ZBTB38: variants seen among roughly 807,000 people sequenced by gnomAD.
ZBTB38 encodes the protein zinc finger and BTB domain containing 38, also known as zinc finger and BTB domain-containing protein 38.
A neutral mutation model predicts 76.8 loss-of-function variants in ZBTB38; 20 were observed. The ratio of observed to expected loss-of-function variants is 0.26; its 90% confidence interval spans 0.18 to 0.38. The LOEUF (loss-of-function observed/expected upper bound fraction) is 0.38. ZBTB38 is among the 10% of genes least tolerant of loss of function. ZBTB38 has a pLI of 1.00. For synonymous variants in ZBTB38, 504 were observed against 544.2 expected, an observed-to-expected ratio of 0.93 and a Z score of 1.03; for missense variants, 1,082 against 1,482.3, an observed-to-expected ratio of 0.73 and a Z score of 4.43.
At position 141,382,321 on chromosome 3, in the gene ZBTB38, A is replaced by T. The variant is rs567464753; in HGVS notation, c.-172+834A>T. Among the ~76,000 whole-genome samples the T allele has an allele frequency of 3.3e-5, 5 of 152,352 alleles. 1 individual carries two copies. Among genetic ancestry groups the T allele is most frequent in the African/African-American group, 1.2e-4 (5 of 41,580 alleles). ...TAGAGTAGAACACTCTAACAACCTG[A>T]TAACAAATTTATTCACAAATGCTGA... On this transcript the variant is annotated intron_variant, in intron 3 of 5. Transcript: ENST00000321464.
chr3:141,344,180 C>T (rs1231589400), intron 1 of ZBTB38, among the ~76,000 whole-genome samples: 1 of 152,182 alleles, frequency 6.6e-6, no homozygotes, highest in African/African-American at 2.4e-5. Context: ...TGGCTTAACA[C>T]ACACAGTTAT....
intron 4 of ZBTB38, among the ~76,000 whole-genome samples, chr3:141,396,052 G>A (rs75828411): frequency 0.024 from 3,669 of 152,224 alleles, 68 homozygotes; most frequent in East Asian, 0.056. Flanking sequence ...TTGGGGTGGC[G>A]ATTTCTTAAA....
Position 141,444,711 on chromosome 3 carries a change from A to C in ZBTB38, c.2323A>C (p.Lys775Gln). Residue 775 changes from lysine (K) to glutamine (Q), a missense_variant, in exon 6 of 6, where the codon AAG becomes CAG. Physicochemically the swap from Lys to Gln is moderately conservative, Grantham distance 53. Transcript: ENST00000321464. The surrounding 1 kb of genome is among the most constrained non-coding windows in gnomAD (Gnocchi z 5.1). ...GTTTGCAAGCAGACCCAAAAGCATT[A>C]AGGAGAAAAAGAAAACTACATCACA... is the stretch of plus-strand genomic sequence containing the variant. ...GRFASRPKSI[K>Q]EKKKTTSHTR... 6.2e-7 allele frequency: 1 copy of C among 1,614,118 alleles called. No individual in the cohort carries two copies. The highest frequency in any genetic ancestry group is 8.5e-7 in the Non-Finnish European group (1 of 1,180,016).
rs1204656006 is a variant in ZBTB38 at position 141,347,907 on chromosome 3, CTCTA to C, written c.-738-20712_-738-20709del. Among the ~76,000 whole-genome samples the C allele has an allele frequency of 4.6e-5, 7 of 152,314 alleles. No individual in the cohort carries two copies. The East Asian group carries it at 1.3e-3, about 29-fold the overall frequency. On this transcript the variant is annotated intron_variant, in intron 1 of 7. Coordinates refer to the ZBTB38 transcript ENST00000509842. Reference sequence around the variant, plus strand: ...TTCTCTGTCACCTGTGTAACCAAGTCTCTATATTATATTCCTTCTGTTATAAATA... The same window carrying C: ...TTCTCTGTCACCTGTGTAACCAAGTCTATTATATTCCTTCTGTTATAAATA...
intron 1 of ZBTB38, among the ~76,000 whole-genome samples, chr3:141,348,377 G>A (rs1943425464): frequency 6.6e-6 from 1 of 152,196 alleles, no homozygotes; most frequent in African/African-American, 2.4e-5. Context: ...GAATTATCCA[G>A]TAGTAGTTAC....
At chr3:141,386,026 G>A (rs1246547407) in intron 3 of ZBTB38, 2 of 152,134 alleles carry the variant, frequency 1.3e-5, no homozygotes, top group East Asian at 1.9e-4. Context: ...AAGAAACATT[G>A]CATCTCAGCA....
intron 1 of ZBTB38, among the ~76,000 whole-genome samples, chr3:141,339,157 C>CAGG (rs1943100160): frequency 6.6e-6 from 1 of 151,990 alleles, no homozygotes; most frequent in Admixed American, 6.6e-5. Flanking sequence ...GGCTCTAAGG[C>CAGG]AGGATATTCT....
intron 5 of ZBTB38, among the ~76,000 whole-genome samples, chr3:141,417,314 C>T (rs1260652462): frequency 3.3e-5 from 5 of 152,186 alleles, no homozygotes. Flanking sequence ...GCACTGAAGT[C>T]CATTTTGGAT....
At chr3:141,430,099 C>G (rs372028819) in intron 5 of ZBTB38, among the ~76,000 whole-genome samples, 4 of 152,104 alleles carry the variant, frequency 2.6e-5, no homozygotes, top group Non-Finnish European at 5.9e-5. Flanking sequence ...GAGTTTCGCT[C>G]TTGTCACCCA....
intron 2 of ZBTB38, among the ~76,000 whole-genome samples, chr3:141,372,634 A>T (rs1487312962): frequency 6.6e-6 from 1 of 151,846 alleles, no homozygotes; most frequent in Non-Finnish European, 1.5e-5. Context: ...CCTGGGCAAC[A>T]AGAGAGAAAC....
chr3:141,428,144 T>A (rs908932090), intron 5 of ZBTB38, among the ~76,000 whole-genome samples: 7 of 152,210 alleles, frequency 4.6e-5, no homozygotes, highest in Non-Finnish European at 7.3e-5. Context: ...CTCTGGCACA[T>A]TCCTTGTTCT....
At chr3:141,325,184 C>A (rs1559907616) in intron 1 of ZBTB38, among the ~76,000 whole-genome samples, 1 of 152,278 alleles carries the variant, frequency 6.6e-6, no homozygotes, top group East Asian at 1.9e-4. Context: ...GAATGATACA[C>A]TGAGGAAATT....
chr3:141,444,175 A>G lies in ZBTB38; in HGVS notation c.1787A>G (p.Asn596Ser), dbSNP rs1239944227. The change falls in exon 6 of 6, where the codon AAT becomes AGT. Residue 596 changes from asparagine to serine, a missense_variant. By Grantham distance (46) the Asn-to-Ser change is conservative. Around this residue, in one of 8 missense-constraint regions of ZBTB38, gnomAD observed 471 missense variants for 581.0 expected, o/e 0.81. Coordinates refer to ENST00000321464, the MANE Select transcript of ZBTB38 (RefSeq NM_001376113.1). This position sits in a 1 kb window ranked among gnomAD's most constrained non-coding sequence, Gnocchi z 5.1. The stretch of plus-strand genomic sequence containing the variant: ...AATGCACGAGAAAACAGTCAAATGA[A>G]TGAGTCTGCACCTGGTACCTATGTT... ...YENARENSQMNESAPGTYVVQ... is the reference protein window; with the variant it reads ...YENARENSQMSESAPGTYVVQ... 13 of 1,614,170 alleles carry G rather than the reference A, an allele frequency of 8.1e-6. No homozygotes were observed. The East Asian group carries it at 2.9e-4, about 36-fold the overall frequency.
rs778994001 is a variant in ZBTB38 at position 141,443,252 on chromosome 3, CAACTTAGAGGTT to C, written c.867_878del (p.Leu290_Asn293del). On this transcript the variant is annotated inframe_deletion, in exon 6 of 6. Coordinates refer to ENST00000321464, the MANE Select transcript of ZBTB38 (RefSeq NM_001376113.1). This position sits in a 1 kb window ranked among gnomAD's most constrained non-coding sequence, Gnocchi z 5.6. ...AAAATATACCACCCCCTCCAGTATC[CAACTTAGAGGTT>C]AATCAAGAAAGAAGTCCACAACCAG... 1.4e-5 allele frequency: 22 copies of C among 1,614,226 alleles called. No individual in the cohort carries two copies. The highest frequency in any genetic ancestry group is 1.9e-5 in the Non-Finnish European group (22 of 1,180,044).
intron 1 of ZBTB38, among the ~76,000 whole-genome samples, chr3:141,361,670 T>C (rs1943830842): frequency 6.6e-6 from 1 of 152,132 alleles, no homozygotes; most frequent in African/African-American, 2.4e-5. Context: ...GGGATGGCTA[T>C]GGGGTAGCAT....
At chr3:141,327,559 A>C (rs932459259) in intron 1 of ZBTB38, among the ~76,000 whole-genome samples, 17 of 152,232 alleles carry the variant, frequency 1.1e-4, no homozygotes, top group Non-Finnish European at 1.5e-5. Flanking sequence ...AGAAACTGTC[A>C]AAGCCCAGAG....
At chr3:141,365,946 G>C (rs1327265127), upstream of ZBTB38, among the ~76,000 whole-genome samples, 5 of 152,160 alleles carry the variant, frequency 3.3e-5, no homozygotes. Flanking sequence ...AAGTCAACAA[G>C]TATAGACAAG....
intron 1 of ZBTB38, among the ~76,000 whole-genome samples, chr3:141,362,192 C>T (rs189465171): frequency 7.3e-4 from 111 of 151,838 alleles, no homozygotes; most frequent in African/African-American, 2.5e-3. Flanking sequence ...ATGTGTCCTC[C>T]GAACAGTATT....
rs116328764 is a variant in ZBTB38 at position 141,425,251 on chromosome 3, C to G, written c.1-17138C>G. Among the ~76,000 whole-genome samples the G allele has an allele frequency of 2.7e-3, 417 of 152,328 alleles. 2 individuals carry two copies. Among genetic ancestry groups the G allele is most frequent in the African/African-American group, 9.7e-3 (403 of 41,562 alleles). ...TGCTTTGCGAGTCTCTCAGTTCTTTCAGTTCAGCAACTTTAGTCTCCCCAC... is the reference window on the plus strand; with the variant it reads ...TGCTTTGCGAGTCTCTCAGTTCTTTGAGTTCAGCAACTTTAGTCTCCCCAC... On this transcript the variant is annotated intron_variant, in intron 5 of 5. Coordinates refer to ENST00000321464, the MANE Select transcript of ZBTB38 (RefSeq NM_001376113.1).
Sources: gnomAD v4.1 joint callset for allele counts (sites outside exome capture counted in the v4.1 genomes callset) on GRCh38, gnomAD v4.1.1 for gene constraint, gnomAD v4.1.1 regional missense constraint, Gnocchi (gnomAD v3.1) non-coding constraint, MANE v1.5 for transcripts, NCBI Gene and HGNC (gene_info 2026-07-23, HGNC 2026-07-21) for gene names.